Variants in GABRG1 observed in about 807,000 individuals in gnomAD.
The protein encoded by GABRG1 is gamma-aminobutyric acid type A receptor subunit gamma1.
In GABRG1, 49 loss-of-function variants were observed where a neutral mutation model predicts 49.8. The ratio of observed to expected loss-of-function variants is 0.98; its 90% CI spans 0.78 to 1.25. The LOEUF is 1.25. Ranked by LOEUF, GABRG1 falls within the 50% of genes most tolerant of loss-of-function variation. The pLI, the probability that GABRG1 is intolerant of heterozygous loss-of-function variation, is 0.00. For missense variants in GABRG1, 552 were observed against 552.3 expected, an observed-to-expected ratio of 1.00 and a Z score of 0.01; for synonymous variants, 232 against 185.1, an observed-to-expected ratio of 1.25 and a Z score of -2.06.
intron 1 of GABRG1, among the ~76,000 whole-genome samples, chr4:46,123,231 A>G (rs17458350): frequency 0.033 from 5,070 of 152,034 alleles, 132 homozygotes; most frequent in Middle Eastern, 0.11. Flanking sequence ...GGTTCAAATT[A>G]AATATACACG....
chr4:46,052,443 G>A (rs536243630), intron 7 of GABRG1, among the ~76,000 whole-genome samples: 1 of 151,802 alleles, frequency 6.6e-6, no homozygotes, highest in Non-Finnish European at 1.5e-5. Flanking sequence ...TTATATCAAG[G>A]GAATACTGCT....
Position 46,064,516 on chromosome 4 carries a change from T to C in GABRG1, c.550A>G (p.Ile184Val). The C allele has an allele frequency of 6.7e-7, 1 of 1,495,204 alleles. No homozygotes were observed. Among genetic ancestry groups the C allele is most frequent in the African/African-American group, 1.4e-5 (1 of 70,160 alleles). 92.6% of individuals were successfully genotyped at this position (1,495,204 alleles called of 1,614,324 possible). The stretch of plus-strand genomic sequence containing the variant: ...AGCTGAAGATAACATTCTGCATTAA[T>C]TGTCAATCTATTTAGATGGAAAGAA... ...GRVLYTLRLT[I>V]NAECYLQLHN... Residue 184 changes from isoleucine to valine, a missense_variant, in exon 5 of 9, where the codon ATT becomes GTT. Physicochemically the swap from Ile to Val is conservative, Grantham distance 29. Coordinates refer to ENST00000295452, the MANE Select transcript of GABRG1 (RefSeq NM_173536.4).
At chr4:46,056,385 G>A (rs1446115920) in intron 7 of GABRG1, among the ~76,000 whole-genome samples, 1 of 151,876 alleles carries the variant, frequency 6.6e-6, no homozygotes, top group Admixed American at 6.6e-5. Context: ...CCCCCTGCCT[G>A]GAATATCTTT....
chr4:46,109,640 G>A (rs1459486434), intron 1 of GABRG1, among the ~76,000 whole-genome samples: 1 of 150,846 alleles, frequency 6.6e-6, no homozygotes, highest in African/African-American at 2.4e-5. Context: ...ACCTTTTCAG[G>A]CCCACAGTTA....
intron 3 of GABRG1, among the ~76,000 whole-genome samples, 186 bp from the exon 4 acceptor site, chr4:46,065,770 C>G (rs1198949657): frequency 6.6e-6 from 1 of 152,072 alleles, no homozygotes; most frequent in South Asian, 2.1e-4. Context: ...TCTCCCAGGC[C>G]GGAGTGCAGT....
At chr4:46,088,815 T>TTGTGTGTGTGTGTGTGTGTG (rs3069486) in intron 2 of GABRG1, among the ~76,000 whole-genome samples, 7 of 131,678 alleles carry the variant, frequency 5.3e-5, no homozygotes, top group African/African-American at 2.0e-4. Context: ...TTGTGTGTGT[T>TTGTGTGTGTGTGTGTGTGTG]TGTGTGTGTG....
chr4:46,118,039 T>C (rs548239319), intron 1 of GABRG1, among the ~76,000 whole-genome samples: 2 of 118,886 alleles, frequency 1.7e-5, no homozygotes, highest in South Asian at 2.2e-4. Flanking sequence ...CATATATACA[T>C]ATGTATACAT....
At chr4:46,075,099 C>T (rs141819011) in intron 3 of GABRG1, among the ~76,000 whole-genome samples, 1 of 151,722 alleles carries the variant, frequency 6.6e-6, no homozygotes, top group African/African-American at 2.4e-5. Context: ...AAAAGTCCTA[C>T]CTATAAGGAG....
At position 46,037,457 on chromosome 4, in the gene GABRG1, C is replaced by G. The variant is rs995485805; in HGVS notation, c.*3531G>C. ...GGAAATACCAAGTATGTCTTGCCATCATACGGTACAGCACTGAGAAGCTGA... is the reference window on the plus strand; with the variant it reads ...GGAAATACCAAGTATGTCTTGCCATGATACGGTACAGCACTGAGAAGCTGA... On this transcript the variant is annotated 3_prime_UTR_variant, in exon 9 of 9. Coordinates refer to ENST00000295452, the MANE Select transcript of GABRG1 (RefSeq NM_173536.4). 1.3e-5 allele frequency: 2 copies of G among 151,684 alleles called. No homozygotes were observed. The highest frequency in any genetic ancestry group is 2.9e-5 in the Non-Finnish European group (2 of 67,832). 9.4% of individuals were successfully genotyped at this position (151,684 alleles called of 1,614,324 possible). A position where few individuals can be genotyped will look rare whatever the true frequency, so the allele number is the denominator to read the frequency against.
rs190115003 is a variant in GABRG1 at position 46,086,734 on chromosome 4, A to G, written c.254-2681T>C. Among the ~76,000 whole-genome samples, 397 of 151,770 alleles carry G rather than the reference A, an allele frequency of 2.6e-3. 3 individuals carry two copies. Among genetic ancestry groups the G allele is most frequent in the Middle Eastern group, 0.01 (3 of 294 alleles). On this transcript the variant is annotated intron_variant, in intron 2 of 8. Coordinates refer to ENST00000295452, the MANE Select transcript of GABRG1 (RefSeq NM_173536.4). ...GTATATTATTGTTTGTAAATGATAT[A>G]GGTACAATTCCAAGAAAGCAAGCAA...
chr4:46,072,154 G>A (rs990963661), intron 3 of GABRG1, among the ~76,000 whole-genome samples: 6 of 151,962 alleles, frequency 3.9e-5, no homozygotes, highest in African/African-American at 7.3e-5. Context: ...AATTACCTGT[G>A]ACATTCAGTT....
intron 1 of GABRG1, among the ~76,000 whole-genome samples, chr4:46,108,879 T>C (rs568001418): frequency 1.3e-5 from 2 of 151,184 alleles, no homozygotes; most frequent in East Asian, 2.0e-4. Flanking sequence ...ACTCAAATTA[T>C]TTTAAAAAGT....
intron 1 of GABRG1, among the ~76,000 whole-genome samples, chr4:46,122,712 A>G (rs1204169424): frequency 6.6e-6 from 1 of 152,130 alleles, no homozygotes; most frequent in African/African-American, 2.4e-5. Flanking sequence ...TACGTTTATA[A>G]TAATAATTCA....
intron 1 of GABRG1, among the ~76,000 whole-genome samples, chr4:46,099,790 A>C (rs1345471495): frequency 1.3e-5 from 2 of 151,604 alleles, no homozygotes; most frequent in African/African-American, 4.8e-5. Flanking sequence ...TCAGACCCTA[A>C]AACCCATGGT....
chr4:46,084,523 GC>G (rs1400165528), intron 2 of GABRG1, among the ~76,000 whole-genome samples: 1 of 151,538 alleles, frequency 6.6e-6, no homozygotes, highest in Non-Finnish European at 1.5e-5. Flanking sequence ...ATCTGACAGA[GC>G]CCTCAAGCTA....
At chr4:46,065,291 A>G in intron 4 of GABRG1, 73 bp downstream of exon 4, 1 of 1,080,542 alleles carries the variant, frequency 9.3e-7, no homozygotes, top group Non-Finnish European at 1.3e-6. Context: ...TGAGAAATAA[A>G]AAATTAAGAA....
intron 5 of GABRG1, among the ~76,000 whole-genome samples, chr4:46,059,964 T>C (rs35932210): frequency 0.054 from 8,219 of 152,194 alleles, 363 homozygotes; most frequent in African/African-American, 0.11. Context: ...TTCCTCTCTT[T>C]TTATATTAAT....
chr4:46,077,058 T>C (rs1719374933), intron 3 of GABRG1, among the ~76,000 whole-genome samples: 2 of 150,150 alleles, frequency 1.3e-5, no homozygotes, highest in South Asian at 4.2e-4. Flanking sequence ...TAGTATATCA[T>C]TACTTTTAAA....
chr4:46,121,089 A>T (rs1363371951), intron 1 of GABRG1, among the ~76,000 whole-genome samples: 1 of 151,870 alleles, frequency 6.6e-6, no homozygotes, highest in Non-Finnish European at 1.5e-5. Context: ...GCAATAAAAA[A>T]TAAAATAGTG....
Sources: gnomAD v4.1 joint callset for allele counts (sites outside exome capture counted in the v4.1 genomes callset) on GRCh38, gnomAD v4.1.1 for gene constraint, MANE v1.5 for transcripts, NCBI Gene and HGNC (gene_info 2026-07-23, HGNC 2026-07-21) for gene names.